Variants in GNAQ observed in about 807,000 individuals in gnomAD.
The protein encoded by GNAQ is G protein subunit alpha q.
A neutral mutation model predicts 43.9 loss-of-function variants in GNAQ; 8 were observed. That is an observed-to-expected ratio of 0.18 (90% confidence interval 0.11 to 0.33). The LOEUF (loss-of-function observed/expected upper bound fraction) is 0.33, where lower values mean the gene tolerates loss of function less well. Among genes scored for constraint, GNAQ ranks in the 10% least tolerant of loss-of-function variants. The pLI is 1.00. For synonymous variants in GNAQ, 155 were observed against 170.7 expected, an observed-to-expected ratio of 0.91 and a Z score of 0.71; for missense variants, 158 against 450.8, an observed-to-expected ratio of 0.35 and a Z score of 5.88.
At chr9:77,858,216 C>T (rs541837851) in intron 2 of GNAQ, among the ~76,000 whole-genome samples, 1 of 152,172 alleles carries the variant, frequency 6.6e-6, no homozygotes, top group East Asian at 1.9e-4. Context: ...CCAGACCCAG[C>T]AGCAGTGTGG....
intron 2 of GNAQ, among the ~76,000 whole-genome samples, chr9:77,876,606 C>T (rs1828128715): frequency 6.6e-6 from 1 of 152,202 alleles, no homozygotes; most frequent in African/African-American, 2.4e-5. Context: ...TTTCCAGCCA[C>T]TGTTTATTAA....
At chr9:77,944,041 A>G (rs1210441856) in intron 1 of GNAQ, among the ~76,000 whole-genome samples, 1 of 151,756 alleles carries the variant, frequency 6.6e-6, no homozygotes, top group Admixed American at 6.5e-5. Context: ...AGAACATTCA[A>G]TAGTGAGAAA....
intron 1 of GNAQ, among the ~76,000 whole-genome samples, chr9:77,976,772 A>G (rs1183914099): frequency 6.6e-6 from 1 of 152,232 alleles, no homozygotes; most frequent in East Asian, 1.9e-4. Context: ...ATTTCACATA[A>G]AAAGCAGATA....
At chr9:78,016,734 A>C (rs1823843964) in intron 1 of GNAQ, among the ~76,000 whole-genome samples, 1 of 152,130 alleles carries the variant, frequency 6.6e-6, no homozygotes, top group Non-Finnish European at 1.5e-5. Context: ...GTGATAGAAA[A>C]TCTAATTCAA....
At chr9:77,755,060 T>C (rs1006853839) in intron 5 of GNAQ, among the ~76,000 whole-genome samples, 28 of 152,176 alleles carry the variant, frequency 1.8e-4, no homozygotes, top group African/African-American at 6.8e-4. Context: ...TAAAAAAGAA[T>C]GAGATCCTGT....
chr9:77,946,785 T>A (rs1183392460), intron 1 of GNAQ, among the ~76,000 whole-genome samples: 1 of 152,184 alleles, frequency 6.6e-6, no homozygotes, highest in African/African-American at 2.4e-5. Flanking sequence ...CAGATTCAGG[T>A]ACTACCACTA....
At chr9:77,729,557 C>T in intron 5 of GNAQ, among the ~76,000 whole-genome samples, 1 of 152,092 alleles carries the variant, frequency 6.6e-6, no homozygotes, top group Non-Finnish European at 1.5e-5. Context: ...TCTTTCGTCT[C>T]TCCTTACCAT....
intron 1 of GNAQ, among the ~76,000 whole-genome samples, chr9:77,942,639 A>G (rs1454099809): frequency 2.0e-5 from 3 of 152,192 alleles, no homozygotes; most frequent in Admixed American, 1.3e-4. Context: ...TCAACACCCC[A>G]CCACATATAT....
chr9:77,996,602 C>T (rs571844290), intron 1 of GNAQ, among the ~76,000 whole-genome samples: 20 of 148,518 alleles, frequency 1.3e-4, no homozygotes, highest in South Asian at 2.1e-4. Flanking sequence ...CATTTGAACC[C>T]GGGAGGTGGA....
At chr9:78,010,494 C>T (rs891559058) in intron 1 of GNAQ, among the ~76,000 whole-genome samples, 1 of 152,138 alleles carries the variant, frequency 6.6e-6, no homozygotes, top group African/African-American at 2.4e-5. Context: ...AGACGCCACT[C>T]AAGTATGGGG....
chr9:77,760,397 C>T (rs1440326974), intron 5 of GNAQ, among the ~76,000 whole-genome samples: 2 of 152,084 alleles, frequency 1.3e-5, no homozygotes, highest in Non-Finnish European at 2.9e-5. Flanking sequence ...TTGGTGGAGA[C>T]GGGGTTTCGC....
rs991428818 is a variant in GNAQ, at chr9:78,031,283, A to T, written c.-48T>A. ...AGCCCCGCCGGCACCCCCTGCTCACAGCGCGCACACACACCCTCCCGCCCT... is the reference window on the plus strand; with the variant it reads ...AGCCCCGCCGGCACCCCCTGCTCACTGCGCGCACACACACCCTCCCGCCCT... On this transcript the variant is annotated 5_prime_UTR_variant, in exon 1 of 7. Transcript: ENST00000286548. 7.1e-7 allele frequency: 1 copy of T among 1,413,484 alleles called. No homozygotes were observed. Among genetic ancestry groups the T allele is most frequent in the African/African-American group, 1.5e-5 (1 of 68,232 alleles). The allele number at this position is 1,413,484 out of a possible 1,614,324, so 87.6% of individuals were successfully genotyped here.
At chr9:77,937,645 C>A (rs1829250546) in intron 1 of GNAQ, among the ~76,000 whole-genome samples, 1 of 152,136 alleles carries the variant, frequency 6.6e-6, no homozygotes, top group Non-Finnish European at 1.5e-5. Context: ...GTAATCCCAG[C>A]ACTTTGGGAG....
At chr9:77,875,709 A>G (rs1338485570) in intron 2 of GNAQ, among the ~76,000 whole-genome samples, 1 of 152,224 alleles carries the variant, frequency 6.6e-6, no homozygotes, top group Non-Finnish European at 1.5e-5. Flanking sequence ...TTATACTTCA[A>G]TCATGCACCC....
At chr9:77,809,417 G>A (rs1056557508) in intron 3 of GNAQ, among the ~76,000 whole-genome samples, 2 of 152,120 alleles carry the variant, frequency 1.3e-5, no homozygotes, top group Non-Finnish European at 2.9e-5. Flanking sequence ...TGGTACTGTA[G>A]GCAGTGAACT....
At chr9:77,856,141 C>T (rs950336655) in intron 2 of GNAQ, among the ~76,000 whole-genome samples, 3 of 152,104 alleles carry the variant, frequency 2.0e-5, no homozygotes, top group Admixed American at 6.6e-5. Flanking sequence ...TGGGCCTACA[C>T]AAATACTTTC....
At chr9:77,805,494 T>C (rs1826814848) in intron 3 of GNAQ, among the ~76,000 whole-genome samples, 1 of 152,138 alleles carries the variant, frequency 6.6e-6, no homozygotes, top group Non-Finnish European at 1.5e-5. Flanking sequence ...AACCTCTGCC[T>C]CCTGGGTTCA....
intron 3 of GNAQ, among the ~76,000 whole-genome samples, chr9:77,806,095 A>C (rs1246609815): frequency 3.9e-5 from 6 of 152,206 alleles, no homozygotes; most frequent in South Asian, 4.1e-4. Context: ...CCAAAAAATA[A>C]ATCAACTTTG....
intron 1 of GNAQ, among the ~76,000 whole-genome samples, chr9:77,980,389 G>A (rs1823354192): frequency 6.6e-6 from 1 of 152,024 alleles, no homozygotes; most frequent in South Asian, 2.1e-4. Flanking sequence ...GAAAATATGA[G>A]GAGGAGAATG....
Sources: gnomAD v4.1 joint callset for allele counts (sites outside exome capture counted in the v4.1 genomes callset) on GRCh38, gnomAD v4.1.1 for gene constraint, MANE v1.5 for transcripts, NCBI Gene and HGNC (gene_info 2026-07-23, HGNC 2026-07-21) for gene names.